Variants in PXDC1 observed in about 807,000 individuals in gnomAD.
The protein encoded by PXDC1 is PX domain-containing protein 1.
Under a neutral mutation model 24.4 loss-of-function variants are expected in PXDC1, and 13 were observed. The ratio of observed to expected loss-of-function variants is 0.53; its 90% CI spans 0.35 to 0.85. The LOEUF is 0.85. Among genes scored for constraint, PXDC1 ranks in the 40% least tolerant of loss-of-function variants. The probability of loss-of-function intolerance (pLI) is 0.01; values close to 1 mark genes in which losing one functional copy is unlikely to be tolerated. For synonymous variants in PXDC1, 162 were observed against 124.9 expected (o/e 1.30, Z -1.98); for missense variants, 344 against 309.3 (o/e 1.11, Z -0.84).
intron 1 of PXDC1, among the ~76,000 whole-genome samples, chr6:3,745,387 G>A (rs1760543116): frequency 6.6e-6 from 1 of 152,250 alleles, no homozygotes; most frequent in Admixed American, 6.5e-5. Context: ...CTTGGTGCTG[G>A]GCACTCTACG....
intron 1 of PXDC1, among the ~76,000 whole-genome samples, chr6:3,746,859 G>A (rs779576726): frequency 9.9e-5 from 15 of 152,024 alleles, no homozygotes; most frequent in Non-Finnish European, 1.5e-4. Context: ...ATCAAATCAC[G>A]CATCTTCCTA....
At position 3,723,664 on chromosome 6, in the gene PXDC1, C is replaced by T. The variant is rs1759991777; in HGVS notation, c.651G>A (p.Leu217=). ...GDDPAAYVTN[L]SYYHLVPFET... ...CGAAGGGGACCAGGTGGTAATATGA[C>T]AGGTTGGTGACGTAGGCTGCTGGGT... Residue 217 remains leucine (L), a synonymous_variant, in exon 5 of 5, where the codon CTG becomes CTA. Coordinates refer to ENST00000380283, the MANE Select transcript of PXDC1 (RefSeq NM_183373.4). 3 of 1,614,192 alleles carry T rather than the reference C, an allele frequency of 1.9e-6. No homozygotes were observed. The highest frequency in any genetic ancestry group is 1.7e-6 in the Non-Finnish European group (2 of 1,180,020).
Position 3,737,307 on chromosome 6 carries a change from A to G in PXDC1, c.349-111T>C. On this transcript the variant is annotated intron_variant, in intron 2 of 4. Transcript: ENST00000380283. The surrounding 1 kb of genome is among the most constrained non-coding windows in gnomAD (Gnocchi z 5.5). Reference sequence around the variant, plus strand: ...CGCAGAGGCAGCCTGTGTGATGCAAACGCCCCATGAATGTCCAGATGCTCC... The same window carrying G: ...CGCAGAGGCAGCCTGTGTGATGCAAGCGCCCCATGAATGTCCAGATGCTCC... 1.3e-6 allele frequency: 1 copy of G among 764,452 alleles called. No homozygotes were observed. The highest frequency in any genetic ancestry group is 2.2e-6 in the Non-Finnish European group (1 of 444,756). 47.4% of individuals were successfully genotyped at this position (764,452 alleles called of 1,614,324 possible).
At chr6:3,748,441 T>G (rs112062491) in intron 1 of PXDC1, among the ~76,000 whole-genome samples, 5,042 of 151,852 alleles carry the variant, frequency 0.033, 294 homozygotes, top group African/African-American at 0.12. Context: ...CAAACAGAAG[T>G]CCAGGAGAGA....
In PXDC1 at chr6:3,742,175, T is replaced by G. The variant is rs1379441213; in HGVS notation, c.257-4027A>C. On this transcript the variant is annotated intron_variant, in intron 1 of 4. Transcript: ENST00000380283. Reference sequence around the variant, plus strand: ...AACTATGAGTTTAAGAAATACTGCTTCCCCCAAAGCAAACTATTGAGTGCA... The same window carrying G: ...AACTATGAGTTTAAGAAATACTGCTGCCCCCAAAGCAAACTATTGAGTGCA... 2.0e-5 allele frequency among the ~76,000 whole-genome samples: 3 copies of G among 152,316 alleles called. No individual in the cohort carries two copies. The East Asian group carries it at 5.8e-4, about 29-fold the overall frequency.
intron 1 of PXDC1, among the ~76,000 whole-genome samples, chr6:3,740,177 G>C (rs1487748678): frequency 6.6e-6 from 1 of 152,178 alleles, no homozygotes; most frequent in Non-Finnish European, 1.5e-5. Context: ...ACAATTTACA[G>C]GTATTATAGA....
intron 3 of PXDC1, among the ~76,000 whole-genome samples, chr6:3,731,223 T>C (rs377318727): frequency 6.6e-6 from 1 of 152,220 alleles, no homozygotes; most frequent in Admixed American, 6.5e-5. Context: ...GTGGCTGAAA[T>C]TGATGAGTCC....
chr6:3,751,609 C>A lies in PXDC1; in HGVS notation c.-78G>T. On this transcript the variant is annotated 5_prime_UTR_variant, in exon 1 of 5. Coordinates refer to ENST00000380283, the MANE Select transcript of PXDC1 (RefSeq NM_183373.4). ...GCAGGAGGCGCGCCCCGGCCGGGGT[C>A]GTCCCGGGTCTGTCCGTGGCCGGGG... 7.1e-7 allele frequency: 1 copy of A among 1,399,026 alleles called. No individual in the cohort carries two copies. Among genetic ancestry groups the A allele is most frequent in the South Asian group, 1.6e-5 (1 of 63,428 alleles). 86.7% of individuals were successfully genotyped at this position (1,399,026 alleles called of 1,614,324 possible).
At chr6:3,735,923 AAAC>A (rs1406098797) in intron 3 of PXDC1, among the ~76,000 whole-genome samples, 2 of 152,230 alleles carry the variant, frequency 1.3e-5, no homozygotes, top group African/African-American at 4.8e-5. Context: ...GTAAAAAACA[AAAC>A]AAAGCAGCAG....
In PXDC1 at chr6:3,751,441, G is replaced by C; in HGVS notation, c.91C>G (p.Arg31Gly). 4 of 1,595,538 alleles carry C rather than the reference G, an allele frequency of 2.5e-6. No homozygotes were observed. The highest frequency in any genetic ancestry group is 3.4e-6 in the Non-Finnish European group (4 of 1,172,170). The change falls in exon 1 of 5, where the codon CGG (arginine) becomes GGG (glycine). Residue 31 changes from arginine (R) to glycine (G), a missense_variant. Arg to Gly is a moderately radical substitution (Grantham distance 125). Coordinates refer to ENST00000380283, the MANE Select transcript of PXDC1 (RefSeq NM_183373.4). ...VNGIRRLIVS[R>G]RGDEEEFFEI... Reference sequence around the variant, plus strand: ...AAGAACTCCTCTTCGTCGCCGCGCCGGCTGACGATGAGCCTGCGGATGCCG... The same window carrying C: ...AAGAACTCCTCTTCGTCGCCGCGCCCGCTGACGATGAGCCTGCGGATGCCG...
chr6:3,750,639 A>C (rs1760684752), intron 1 of PXDC1, among the ~76,000 whole-genome samples: 1 of 152,170 alleles, frequency 6.6e-6, no homozygotes, highest in South Asian at 2.1e-4. Flanking sequence ...GAGGCCGGGG[A>C]GGAGGCGGCG....
At chr6:3,742,582 T>G (rs1051816337) in intron 1 of PXDC1, among the ~76,000 whole-genome samples, 1 of 152,150 alleles carries the variant, frequency 6.6e-6, no homozygotes, top group African/African-American at 2.4e-5. Flanking sequence ...GCGCGCACTC[T>G]GCGGAAAAAG....
chr6:3,741,825 C>A (rs1394497596), intron 1 of PXDC1, among the ~76,000 whole-genome samples: 1 of 152,184 alleles, frequency 6.6e-6, no homozygotes, highest in African/African-American at 2.4e-5. Flanking sequence ...AAAATGCCAA[C>A]GCTCCCATTT....
rs755320106 is a variant in PXDC1, at chr6:3,738,078, C to A, written c.327G>T (p.Thr109=). ...TCACTTTACAGGGCATGCTTATGAT[C>A]GTCTTCAGCAGCTTCTCCACCTCAT... The part of the protein sequence containing the change: ...RLNEVEKLLK[T]IISMPCKYSR... The change falls in exon 2 of 5, where the codon ACG becomes ACT. Residue 109 remains threonine, a synonymous_variant. Transcript: ENST00000380283. 1 of 1,614,036 alleles carries A rather than the reference C, an allele frequency of 6.2e-7. No homozygotes were observed. Among genetic ancestry groups the A allele is most frequent in the Non-Finnish European group, 8.5e-7 (1 of 1,179,970 alleles).
At chr6:3,743,808 C>A (rs1760503607) in intron 1 of PXDC1, among the ~76,000 whole-genome samples, 2 of 152,222 alleles carry the variant, frequency 1.3e-5, no homozygotes, top group Admixed American at 6.5e-5. Context: ...AAGGCCTCCC[C>A]CACACCTCCA....
intron 1 of PXDC1, among the ~76,000 whole-genome samples, chr6:3,749,587 G>A (rs1478591146): frequency 6.6e-6 from 1 of 151,454 alleles, no homozygotes; most frequent in Non-Finnish European, 1.5e-5. Flanking sequence ...TTCCACCAGC[G>A]TGGATGCAAC....
rs147593043 is a variant in PXDC1, at chr6:3,726,708, G to A, written c.578+843C>T. 4.9e-3 allele frequency among the ~76,000 whole-genome samples: 743 copies of A among 152,318 alleles called. 9 individuals are homozygous for A. The highest frequency in any genetic ancestry group is 0.017 in the African/African-American group (706 of 41,580). ...CTAGTTTCAATCTGCTGCTATGGAG[G>A]GCTAGCAAATGCGTGGGGCAAGACC... is the stretch of plus-strand genomic sequence containing the variant. On this transcript the variant is annotated intron_variant, in intron 4 of 4. Coordinates refer to ENST00000380283, the MANE Select transcript of PXDC1 (RefSeq NM_183373.4).
In PXDC1 at chr6:3,736,870, CCT is replaced by C. The variant is rs138824079; in HGVS notation, c.466+207_466+208del. Among the ~76,000 whole-genome samples, 311 of 152,284 alleles carry C rather than the reference CCT, an allele frequency of 2.0e-3. 2 individuals are homozygous for C. The highest frequency in any genetic ancestry group is 7.1e-3 in the African/African-American group (294 of 41,552). On this transcript the variant is annotated intron_variant, in intron 3 of 4. Transcript: ENST00000380283. ...TTCCAATTTACATGCCAAACAAACCCCTGAGGACGCAGCAGGAGTGAAAACCA... is the reference window on the plus strand; with the variant it reads ...TTCCAATTTACATGCCAAACAAACCCGAGGACGCAGCAGGAGTGAAAACCA...
At chr6:3,733,364 T>A (rs961957894) in intron 3 of PXDC1, among the ~76,000 whole-genome samples, 1 of 152,210 alleles carries the variant, frequency 6.6e-6, no homozygotes, top group Non-Finnish European at 1.5e-5. Flanking sequence ...CTCAAAGGGA[T>A]GTTGGGGCTA....
Sources: gnomAD v4.1 joint callset for allele counts (sites outside exome capture counted in the v4.1 genomes callset) on GRCh38, gnomAD v4.1.1 for gene constraint, Gnocchi (gnomAD v3.1) non-coding constraint, MANE v1.5 for transcripts, NCBI Gene and HGNC (gene_info 2026-07-23, HGNC 2026-07-21) for gene names.